TAMM41: variants seen among roughly 807,000 people sequenced by gnomAD.
The protein encoded by TAMM41 is TAM41 mitochondrial translocator assembly and maintenance homolog.
TAMM41 carries 36 observed loss-of-function variants against 44.1 expected under a neutral mutation model. The ratio of observed to expected loss-of-function variants is 0.82; its 90% CI spans 0.63 to 1.08. The LOEUF (loss-of-function observed/expected upper bound fraction) is 1.08. TAMM41 is among the 50% of genes least tolerant of loss of function. The probability of loss-of-function intolerance (pLI) is 0.00; values close to 1 mark genes in which losing one functional copy is unlikely to be tolerated. For synonymous variants in TAMM41, 164 were observed against 153.1 expected (o/e 1.07, Z -0.53); for missense variants, 417 against 404.3 (o/e 1.03, Z -0.27).
At chr3:11,809,968 A>G in intron 5 of TAMM41, 1 of 291,258 alleles carries the variant, frequency 3.4e-6, no homozygotes. Flanking sequence ...TGGTTTTAAA[A>G]TTTATATTTG....
At chr3:11,724,071 A>G in the TAMM41 span, among the ~76,000 whole-genome samples, 2 of 151,100 alleles carry the variant, frequency 1.3e-5, no homozygotes, top group Non-Finnish European at 3.0e-5. Flanking sequence ...ATTTTATTTT[A>G]TTTTATTTTA....
the TAMM41 span, among the ~76,000 whole-genome samples, chr3:11,745,475 C>T: frequency 6.6e-6 from 1 of 152,118 alleles, no homozygotes. Flanking sequence ...CTATGCATAC[C>T]ACGGAATATT....
chr3:11,845,025 G>C (rs1025684713), intron 1 of TAMM41: 2 of 456,096 alleles, frequency 4.4e-6, no homozygotes, highest in African/African-American at 4.0e-5. Flanking sequence ...GGAAGGGTAG[G>C]GAGCCGTGTT....
chr3:11,771,939 T>C, the TAMM41 span, among the ~76,000 whole-genome samples: 175 of 152,254 alleles, frequency 1.1e-3, no homozygotes, highest in African/African-American at 3.8e-3. Flanking sequence ...CAGGTTCATT[T>C]TTCTTACATG....
the TAMM41 span, among the ~76,000 whole-genome samples, chr3:11,781,326 C>T: frequency 9.2e-5 from 14 of 152,128 alleles, no homozygotes; most frequent in African/African-American, 3.1e-4. Context: ...TGGGCTCAGA[C>T]GTTTTGTTCT....
chr3:11,785,227 T>C, the TAMM41 span, among the ~76,000 whole-genome samples: 1 of 152,158 alleles, frequency 6.6e-6, no homozygotes, highest in Non-Finnish European at 1.5e-5. Context: ...TTGGAGACCG[T>C]GGTGTCAGAT....
At chr3:11,750,238 T>C in the TAMM41 span, among the ~76,000 whole-genome samples, 1 of 152,020 alleles carries the variant, frequency 6.6e-6, no homozygotes, top group Admixed American at 6.6e-5. Context: ...ACTGGGGCCA[T>C]TGTGAAAGAT....
In TAMM41 at chr3:11,809,593, A is replaced by AGGAGGGTCCATAATATGATTTATC; in HGVS notation, c.774_797dup (p.Ile259_Pro266dup). ...TTTCTTCCACATCTCTGTTTTTTCCAGGAGGGTCCATAATATGATTTATCT... is the reference window on the plus strand; with the variant it reads ...TTTCTTCCACATCTCTGTTTTTTCCAGGAGGGTCCATAATATGATTTATCGGAGGGTCCATAATATGATTTATCT... On this transcript the variant is annotated inframe_insertion, in exon 6 of 8. Transcript: ENST00000455809. 2 of 1,614,102 alleles carry AGGAGGGTCCATAATATGATTTATC rather than the reference A, an allele frequency of 1.2e-6. No individual in the cohort carries two copies. The highest frequency in any genetic ancestry group is 2.2e-5 in the South Asian group (2 of 91,070).
the TAMM41 span, among the ~76,000 whole-genome samples, chr3:11,772,275 C>T: frequency 6.8e-6 from 1 of 146,326 alleles, no homozygotes; most frequent in South Asian, 2.1e-4. Context: ...TAGAGACGGG[C>T]TTTCACCGTG....
chr3:11,839,643 A>G (rs1374362916), intron 2 of TAMM41, among the ~76,000 whole-genome samples: 1 of 152,212 alleles, frequency 6.6e-6, no homozygotes, highest in Non-Finnish European at 1.5e-5. Context: ...GCGTAGGTCA[A>G]GCCAACCAAG....
the TAMM41 span, among the ~76,000 whole-genome samples, chr3:11,782,562 G>GA: frequency 9.6e-5 from 14 of 146,408 alleles, no homozygotes; most frequent in Non-Finnish European, 1.5e-4. Context: ...AAAAAAAAAA[G>GA]AAAAAAAAAG....
chr3:11,766,561 C>T, the TAMM41 span, among the ~76,000 whole-genome samples: 9 of 151,212 alleles, frequency 6.0e-5, no homozygotes, highest in African/African-American at 1.9e-4. Context: ...TTTCTTCAGG[C>T]CAGATGTTTT....
At chr3:11,770,423 G>A in the TAMM41 span, among the ~76,000 whole-genome samples, 3 of 152,212 alleles carry the variant, frequency 2.0e-5, no homozygotes, top group Non-Finnish European at 4.4e-5. Context: ...AATAAAGGGG[G>A]CAGTTTCGAT....
intron 7 of TAMM41, among the ~76,000 whole-genome samples, chr3:11,799,530 C>T (rs1249499485): frequency 6.6e-6 from 1 of 152,200 alleles, no homozygotes; most frequent in Non-Finnish European, 1.5e-5. Flanking sequence ...GGGTGCTCAT[C>T]ACTTTCCATG....
At chr3:11,807,092 C>T (rs1413528069) in intron 7 of TAMM41, 1 of 875,668 alleles carries the variant, frequency 1.1e-6, no homozygotes, top group Non-Finnish European at 1.4e-6. Flanking sequence ...TGTGCTTCAC[C>T]AAAATGAGAG....
At chr3:11,795,470 A>G (rs2077583058) in intron 7 of TAMM41, among the ~76,000 whole-genome samples, 1 of 152,102 alleles carries the variant, frequency 6.6e-6, no homozygotes, top group African/African-American at 2.4e-5. Flanking sequence ...CAATGACCTG[A>G]GTTCAGGCTG....
the TAMM41 span, among the ~76,000 whole-genome samples, chr3:11,727,327 A>T: frequency 1.3e-5 from 2 of 152,222 alleles, no homozygotes; most frequent in East Asian, 3.8e-4. Flanking sequence ...TGCATCCAGC[A>T]TCCCCTGAGA....
intron 7 of TAMM41, among the ~76,000 whole-genome samples, chr3:11,801,272 C>T (rs1449466132): frequency 6.6e-6 from 1 of 152,092 alleles, no homozygotes; most frequent in African/African-American, 2.4e-5. Flanking sequence ...GATACAAGTA[C>T]ATGGAAATTA....
chr3:11,782,830 C>G, the TAMM41 span, among the ~76,000 whole-genome samples: 22 of 152,154 alleles, frequency 1.4e-4, no homozygotes, highest in Non-Finnish European at 2.1e-4. Context: ...TTTGGTGGGA[C>G]AGAGTGCCTG....
Sources: gnomAD v4.1 joint callset for allele counts (sites outside exome capture counted in the v4.1 genomes callset) on GRCh38, gnomAD v4.1.1 for gene constraint, MANE v1.5 for transcripts, NCBI Gene and HGNC (gene_info 2026-07-23, HGNC 2026-07-21) for gene names.